NUAK2: variants seen among roughly 807,000 people sequenced by gnomAD.
The protein encoded by NUAK2 is NUAK family SNF1-like kinase 2.
NUAK2 carries 20 observed loss-of-function variants against 29.8 expected under a neutral mutation model. The ratio of observed to expected loss-of-function variants is 0.67; its 90% CI spans 0.47 to 0.98. The LOEUF (loss-of-function observed/expected upper bound fraction) is 0.98, where lower values mean the gene tolerates loss of function less well. Ranked by LOEUF, NUAK2 falls within the 50% of genes least tolerant of loss-of-function variation. NUAK2 has a pLI of 0.00. For missense variants in NUAK2, 719 were observed against 834.5 expected, an observed-to-expected ratio of 0.86 and a Z score of 1.71; for synonymous variants, 331 against 342.6, an observed-to-expected ratio of 0.97 and a Z score of 0.37.
intron 4 of NUAK2, among the ~76,000 whole-genome samples, chr1:205,306,998 G>A (rs1662190850): frequency 6.6e-6 from 1 of 152,198 alleles, no homozygotes; most frequent in Admixed American, 6.5e-5. Context: ...ATATAGCTAA[G>A]AAGCAATAAT....
In NUAK2 at chr1:205,302,536, TG is replaced by T. The variant is rs1662091405; in HGVS notation, c.*913del. ...GGAGGCTCAGGCCAGGTTTGGAGGA[TG>T]GAAAAGGGAAGAGAACCATTGAAGA... On this transcript the variant is annotated 3_prime_UTR_variant, in exon 7 of 7. Transcript: ENST00000367157. The T allele has an allele frequency of 6.6e-6, 1 of 152,292 alleles. No individual in the cohort carries two copies. Among genetic ancestry groups the T allele is most frequent in the African/African-American group, 2.4e-5 (1 of 41,420 alleles). 9.4% of individuals were successfully genotyped at this position (152,292 alleles called of 1,614,324 possible). A position where few individuals can be genotyped will look rare whatever the true frequency, so the allele number is the denominator to read the frequency against.
In NUAK2 at chr1:205,308,005, T is replaced by C. The variant is rs1574891542; in HGVS notation, c.570+160A>G. ...GCTCTCCATCCACACAATGAGGTGT[T>C]GGAATGGATGATGGCTGAGGTCCCT... is the stretch of plus-strand genomic sequence containing the variant. On this transcript the variant is annotated intron_variant, in intron 4 of 6. Coordinates refer to ENST00000367157, the MANE Select transcript of NUAK2 (RefSeq NM_030952.3). The surrounding 1 kb of genome is among the most constrained non-coding windows in gnomAD (Gnocchi z 4.1). 1 of 571,398 alleles carries C rather than the reference T, an allele frequency of 1.8e-6. No individual in the cohort carries two copies. The highest frequency in any genetic ancestry group is 3.1e-6 in the Non-Finnish European group (1 of 320,878). 35.4% of individuals were successfully genotyped at this position (571,398 alleles called of 1,614,324 possible). A position where few individuals can be genotyped will look rare whatever the true frequency, so the allele number is the denominator to read the frequency against.
chr1:205,309,814 C>T (rs1161353080), intron 2 of NUAK2, among the ~76,000 whole-genome samples: 1 of 152,184 alleles, frequency 6.6e-6, no homozygotes, highest in Non-Finnish European at 1.5e-5. Context: ...AGGGCAGGGC[C>T]TCATGCATAA....
chr1:205,310,783 T>C (rs1229594674), intron 2 of NUAK2, among the ~76,000 whole-genome samples: 2 of 152,126 alleles, frequency 1.3e-5, no homozygotes, highest in Non-Finnish European at 2.9e-5. Context: ...CACACAGAGA[T>C]AAAATTAGCC....
intron 1 of NUAK2, among the ~76,000 whole-genome samples, chr1:205,320,398 G>A (rs1005537266): frequency 1.3e-5 from 2 of 152,184 alleles, no homozygotes; most frequent in African/African-American, 4.8e-5. Flanking sequence ...CCGAGTAGCT[G>A]GGACTACAGG....
chr1:205,310,628 C>T (rs995439015), intron 2 of NUAK2, among the ~76,000 whole-genome samples: 8 of 152,122 alleles, frequency 5.3e-5, no homozygotes, highest in African/African-American at 1.9e-4. Flanking sequence ...CCAATCACCA[C>T]ACTCAGCCTA....
In NUAK2 at chr1:205,321,596, G is replaced by A. The variant is rs1205408474; in HGVS notation, c.33C>T (p.Gly11=). 5.6e-6 allele frequency: 9 copies of A among 1,611,836 alleles called. No individual in the cohort carries two copies. Among genetic ancestry groups the A allele is most frequent in the Non-Finnish European group, 6.8e-6 (8 of 1,179,702 alleles). MESLVFARRS[G]PTPSAAELAR... ...CTAGCTCTGCGGCCGAGGGAGTGGG[G>A]CCGGAGCGCCGCGCGAAAACCAGCG... Residue 11 remains glycine, a synonymous_variant, in exon 1 of 7, where the codon GGC becomes GGT. Coordinates refer to ENST00000367157, the MANE Select transcript of NUAK2 (RefSeq NM_030952.3).
In NUAK2 at chr1:205,303,875, G is replaced by T. The variant is rs368670365; in HGVS notation, c.1462C>A (p.Pro488Thr). The stretch of plus-strand genomic sequence containing the variant: ...AGGAGCAGCCCTGAAGCTTGCGGAG[G>T]CTTCTGCTCCTTGGGATCCCCACTC... ...FVSGDPKEQK[P>T]PQASGLLLHR... Residue 488 changes from proline to threonine, a missense_variant, in exon 7 of 7, where the codon CCT (proline) becomes ACT (threonine). By Grantham distance (38) the Pro-to-Thr change is conservative (BLOSUM62 -1). Coordinates refer to ENST00000367157, the MANE Select transcript of NUAK2 (RefSeq NM_030952.3). 1.4e-5 allele frequency: 23 copies of T among 1,613,796 alleles called. No individual in the cohort carries two copies. The highest frequency in any genetic ancestry group is 1.9e-5 in the Non-Finnish European group (22 of 1,179,944).
At chr1:205,312,458 A>C (rs1171619873) in intron 1 of NUAK2, among the ~76,000 whole-genome samples, 3 of 152,214 alleles carry the variant, frequency 2.0e-5, no homozygotes, top group Non-Finnish European at 4.4e-5. Flanking sequence ...TGCTATAAGC[A>C]ATCAGTCCCT....
chr1:205,315,554 C>T (rs75189739), intron 1 of NUAK2, among the ~76,000 whole-genome samples: 4,747 of 152,190 alleles, frequency 0.031, 110 homozygotes, highest in South Asian at 0.093. Context: ...GCAAGATAGC[C>T]AGGCAACTAT....
At position 205,308,667 on chromosome 1, in the gene NUAK2, A is replaced by T; in HGVS notation, c.418T>A (p.Tyr140Asn). 1 of 1,614,102 alleles carries T rather than the reference A, an allele frequency of 6.2e-7. No homozygotes were observed. Among genetic ancestry groups the T allele is most frequent in the South Asian group, 1.1e-5 (1 of 91,080 alleles). The change falls in exon 3 of 7, where the codon TAC (tyrosine) becomes AAC (asparagine). Residue 140 changes from tyrosine to asparagine, a missense_variant. Transcript: ENST00000367157. This position sits in a 1 kb window ranked among gnomAD's most constrained non-coding sequence, Gnocchi z 4.1. ...EYASRGDLYD[Y>N]ISERQQLSER... Reference sequence around the variant, plus strand: ...CTGAGCTGCTGCCGCTCGCTGATGTAGTCATAAAGGTCGCCCCGGCTGGCA... The same window carrying T: ...CTGAGCTGCTGCCGCTCGCTGATGTTGTCATAAAGGTCGCCCCGGCTGGCA...
rs1193924171 is a variant in NUAK2, at chr1:205,321,667, T to C, written c.-39A>G. The C allele has an allele frequency of 6.5e-7, 1 of 1,549,704 alleles. No homozygotes were observed. Among genetic ancestry groups the C allele is most frequent in the Non-Finnish European group, 8.8e-7 (1 of 1,141,562 alleles). On this transcript the variant is annotated 5_prime_UTR_variant, in exon 1 of 7. Transcript: ENST00000367157. ...TGAGCAAGGGCGGCAGGGGAATCAG[T>C]AGGCTGTGCGGGGAGGGCTGAAGCG...
At chr1:205,320,590 G>A (rs1662399976) in intron 1 of NUAK2, among the ~76,000 whole-genome samples, 1 of 152,174 alleles carries the variant, frequency 6.6e-6, no homozygotes, top group Non-Finnish European at 1.5e-5. Flanking sequence ...TATGTGTTAG[G>A]AGCAATATAA....
At chr1:205,309,615 C>T (rs904288369) in intron 2 of NUAK2, among the ~76,000 whole-genome samples, 3 of 152,212 alleles carry the variant, frequency 2.0e-5, no homozygotes, top group Admixed American at 6.5e-5. Flanking sequence ...CGTGAGCCAC[C>T]GCGCCTGGCC....
chr1:205,305,060 G>A (rs1003314575), intron 6 of NUAK2, 139 bp downstream of exon 6: 55 of 1,036,962 alleles, frequency 5.3e-5, no homozygotes, highest in Middle Eastern at 2.7e-4. Context: ...TTGGACATAC[G>A]GTGGAGGGTA....
intron 1 of NUAK2, among the ~76,000 whole-genome samples, chr1:205,316,902 A>G (rs2102259391): frequency 6.6e-6 from 1 of 152,346 alleles, no homozygotes; most frequent in South Asian, 2.1e-4. Flanking sequence ...TGAAGTCCAG[A>G]AAGGCACACT....
intron 1 of NUAK2, among the ~76,000 whole-genome samples, chr1:205,317,123 C>T (rs1334502969): frequency 1.3e-5 from 2 of 152,208 alleles, no homozygotes; most frequent in East Asian, 3.8e-4. Context: ...TATGCCCACT[C>T]CTCTGCCAAC....
At chr1:205,317,919 A>G (rs1285399601) in intron 1 of NUAK2, among the ~76,000 whole-genome samples, 1 of 152,246 alleles carries the variant, frequency 6.6e-6, no homozygotes, top group African/African-American at 2.4e-5. Context: ...GGGATTCCCC[A>G]GGAAAGGGAA....
At chr1:205,321,257 G>T in intron 1 of NUAK2, 141 bp downstream of exon 1, 1 of 727,916 alleles carries the variant, frequency 1.4e-6, no homozygotes, top group Non-Finnish European at 2.2e-6. Context: ...ACACCCCGCA[G>T]TAGCCCCGCA....
Sources: allele counts gnomAD v4.1 joint callset (sites outside exome capture counted in the v4.1 genomes callset), GRCh38; gene constraint gnomAD v4.1.1; non-coding constraint Gnocchi (gnomAD v3.1); transcripts MANE v1.5; gene names NCBI Gene and HGNC (gene_info 2026-07-23, HGNC 2026-07-21).